PCSK5: variants seen among roughly 807,000 people sequenced by gnomAD.
The protein encoded by PCSK5 is proprotein convertase subtilisin/kexin type 5, also known as prohormone convertase 5.
A neutral mutation model predicts 233.2 loss-of-function variants in PCSK5; 129 were observed. The ratio of observed to expected loss-of-function variants is 0.55; its 90% CI spans 0.48 to 0.64. The LOEUF is 0.64. Among genes scored for constraint, PCSK5 ranks in the 30% least tolerant of loss-of-function variants. The pLI is 0.00. For synonymous variants in PCSK5, 825 were observed against 879.2 expected (o/e 0.94, Z 1.09); for missense variants, 2,076 against 2,430.1 (o/e 0.85, Z 3.06).
In PCSK5 at chr9:76,071,907, T is replaced by TA; in HGVS notation, c.894+13dup. The TA allele has an allele frequency of 6.2e-7, 1 of 1,613,044 alleles. No individual in the cohort carries two copies. The highest frequency in any genetic ancestry group is 8.5e-7 in the Non-Finnish European group (1 of 1,179,346). The stretch of plus-strand genomic sequence containing the variant: ...AAAACGGCGTTAGAATGGTAGGTTT[T>TA]AAAAGCATGGAGGCTTATACTGTGT... On this transcript the variant is annotated intron_variant, in intron 7 of 37. Coordinates refer to ENST00000674117, the MANE Select transcript of PCSK5 (RefSeq NM_001372043.1).
intron 33 of PCSK5, among the ~76,000 whole-genome samples, chr9:76,329,521 AC>A (rs888680267): frequency 6.6e-6 from 1 of 151,786 alleles, no homozygotes; most frequent in African/African-American, 2.4e-5. Context: ...TTTTTCTTTC[AC>A]AATATCAATG....
intron 3 of PCSK5, among the ~76,000 whole-genome samples, chr9:75,988,474 G>A (rs1826623474): frequency 6.6e-6 from 1 of 151,744 alleles, no homozygotes; most frequent in Admixed American, 6.6e-5. Flanking sequence ...TAGAAGAAGG[G>A]TTTCACCATG....
Position 76,189,223 on chromosome 9 carries a change from A to C in PCSK5, c.2510A>C (p.Lys837Thr). 1 of 1,612,424 alleles carries C rather than the reference A, an allele frequency of 6.2e-7. No individual in the cohort carries two copies. Among genetic ancestry groups the C allele is most frequent in the South Asian group, 1.1e-5 (1 of 90,958 alleles). ...SSENGYKSCK[K>T]CDISCLTCNG... Reference sequence around the variant, plus strand: ...GAGAATGGATACAAATCCTGCAAAAAGTAAGTGGATCTGCCCCCTGGGCCC... The same window carrying C: ...GAGAATGGATACAAATCCTGCAAAACGTAAGTGGATCTGCCCCCTGGGCCC... The change falls in exon 19 of 38, where the codon AAA becomes ACA. Residue 837 changes from lysine (K) to threonine (T), a missense_variant and splice_region_variant. By Grantham distance (78) the Lys-to-Thr change is moderately conservative. Around this residue, in one of 6 missense-constraint regions of PCSK5, gnomAD observed 1,510 missense variants for 1,538.1 expected, o/e 0.98. Coordinates refer to ENST00000674117, the MANE Select transcript of PCSK5 (RefSeq NM_001372043.1).
chr9:76,024,848 G>A lies in PCSK5; in HGVS notation c.555+967G>A, dbSNP rs139003813. On this transcript the variant is annotated intron_variant, in intron 4 of 37. Transcript: ENST00000674117. ...AAAGACTTGGGTTCCCTCCAGTCTGGATTTGTTTAATCACTTTTAAAGGCA... is the reference window on the plus strand; with the variant it reads ...AAAGACTTGGGTTCCCTCCAGTCTGAATTTGTTTAATCACTTTTAAAGGCA... Among the ~76,000 whole-genome samples, 729 of 152,266 alleles carry A rather than the reference G, an allele frequency of 4.8e-3. 2 individuals are homozygous for A. The highest frequency in any genetic ancestry group is 0.01 in the Middle Eastern group (3 of 294).
chr9:76,335,695 A>G lies in PCSK5; in HGVS notation c.4749-2535A>G, dbSNP rs1382157704. On this transcript the variant is annotated intron_variant, in intron 34 of 37. Transcript: ENST00000674117. ...AATTTTAAAAACCTACTTAGAATTG[A>G]TAAGCTTTCTTTCCCACAGTTCCTA... Among the ~76,000 whole-genome samples, 3 of 152,238 alleles carry G rather than the reference A, an allele frequency of 2.0e-5. No homozygotes were observed. The East Asian group carries it at 5.8e-4, about 29-fold the overall frequency.
At chr9:76,056,236 C>T (rs1332906807) in intron 5 of PCSK5, among the ~76,000 whole-genome samples, 1 of 152,124 alleles carries the variant, frequency 6.6e-6, no homozygotes, top group East Asian at 1.9e-4. Context: ...TCAAGCAATG[C>T]AATGTCAAGG....
rs1488838308 is a variant in PCSK5 at position 76,175,092 on chromosome 9, A to G, written c.1863A>G (p.Glu621=). The change falls in exon 14 of 38, where the codon GAA becomes GAG. Residue 621 remains glutamate (E), a synonymous_variant. Transcript: ENST00000674117. ...AACGGTTCCGCTATAGCCGAGTTGA[A>G]GACCCCACAGACGACTATGGCACAG... ...KVERFRYSRV[E]DPTDDYGTED... The G allele has an allele frequency of 2.5e-6, 4 of 1,614,052 alleles. No individual in the cohort carries two copies. In the African/African-American group the frequency reaches 5.3e-5, roughly 22 times the overall value.
intron 1 of PCSK5, among the ~76,000 whole-genome samples, 193 bp downstream of exon 1, chr9:75,891,566 C>A (rs1024067926): frequency 6.0e-5 from 9 of 149,442 alleles, no homozygotes; most frequent in Non-Finnish European, 1.0e-4. Context: ...CACACACACC[C>A]CAGAGTTGCC....
chr9:76,017,318 A>G (rs1330949124), intron 3 of PCSK5, among the ~76,000 whole-genome samples: 4 of 152,152 alleles, frequency 2.6e-5, no homozygotes, highest in African/African-American at 9.7e-5. Context: ...GAAGAAAATC[A>G]TCCTCTCCTT....
chr9:76,181,739 A>G, intron 16 of PCSK5, 148 bp downstream of exon 16: 1 of 587,648 alleles, frequency 1.7e-6, no homozygotes, highest in Non-Finnish European at 3.0e-6. Flanking sequence ...AGAACCCTTT[A>G]GAAGCTTCAT....
At chr9:76,332,411 G>T in intron 33 of PCSK5, 22 bp from the exon 34 acceptor site, 1 of 1,598,022 alleles carries the variant, frequency 6.3e-7, no homozygotes, top group South Asian at 1.1e-5. Context: ...TGTCCAAATA[G>T]ACATTTTTTC....
intron 5 of PCSK5, among the ~76,000 whole-genome samples, chr9:76,063,343 T>TA (rs1564004071): frequency 7.3e-6 from 1 of 137,468 alleles, no homozygotes; most frequent in Non-Finnish European, 1.6e-5. Context: ...TTTTTTTTTT[T>TA]TTTTTATTGA....
At chr9:76,232,903 T>C (rs567844116) in intron 21 of PCSK5, among the ~76,000 whole-genome samples, 1 of 152,296 alleles carries the variant, frequency 6.6e-6, no homozygotes. Flanking sequence ...TCAGGAAATG[T>C]TTGCAAAACA....
At chr9:75,901,098 GA>G (rs1397466522) in intron 1 of PCSK5, among the ~76,000 whole-genome samples, 1 of 152,162 alleles carries the variant, frequency 6.6e-6, no homozygotes, top group Non-Finnish European at 1.5e-5. Flanking sequence ...AGGAGGAAAG[GA>G]AGTATAGAGT....
intron 1 of PCSK5, among the ~76,000 whole-genome samples, chr9:75,908,887 C>CTATCTATG (rs1822540374): frequency 8.2e-6 from 1 of 121,954 alleles, no homozygotes; most frequent in Admixed American, 9.3e-5. Flanking sequence ...ATCTATCTAT[C>CTATCTATG]TATCTATCTA....
chr9:76,134,567 A>G (rs570456486), intron 10 of PCSK5, among the ~76,000 whole-genome samples: 3 of 152,170 alleles, frequency 2.0e-5, no homozygotes, highest in Admixed American at 6.6e-5. Flanking sequence ...CTATAGGACT[A>G]CTTCCACTTC....
chr9:75,970,451 T>C (rs1481387622), intron 2 of PCSK5, among the ~76,000 whole-genome samples: 1 of 152,192 alleles, frequency 6.6e-6, no homozygotes, highest in Non-Finnish European at 1.5e-5. Flanking sequence ...TAGGCTTTTA[T>C]TCTCTACTCA....
intron 5 of PCSK5, among the ~76,000 whole-genome samples, chr9:76,046,567 T>C (rs1829409991): frequency 7.3e-6 from 1 of 137,526 alleles, no homozygotes; most frequent in African/African-American, 2.8e-5. Flanking sequence ...TTCTTTTTTT[T>C]TTTTTTTTTT....
chr9:75,942,108 G>A (rs1387284144), intron 2 of PCSK5, among the ~76,000 whole-genome samples: 2 of 152,330 alleles, frequency 1.3e-5, no homozygotes, highest in African/African-American at 4.8e-5. Context: ...GGAGCTCACC[G>A]GGCATGCGCC....
Sources: allele counts gnomAD v4.1 joint callset (sites outside exome capture counted in the v4.1 genomes callset), GRCh38; gene constraint gnomAD v4.1.1; regional missense constraint gnomAD v4.1.1; transcripts MANE v1.5; gene names NCBI Gene and HGNC (gene_info 2026-07-23, HGNC 2026-07-21).